Variants in SEC31A observed in about 807,000 individuals in gnomAD.
The protein encoded by SEC31A is protein transport protein Sec31A.
A neutral mutation model predicts 151.0 loss-of-function variants in SEC31A; 70 were observed. The ratio of observed to expected loss-of-function variants is 0.46; its 90% CI spans 0.38 to 0.57. The LOEUF (loss-of-function observed/expected upper bound fraction) is 0.57. Ranked by LOEUF, SEC31A falls within the 20% of genes least tolerant of loss-of-function variation. The probability of loss-of-function intolerance (pLI) is 0.00; values close to 1 mark genes in which losing one functional copy is unlikely to be tolerated. For synonymous variants in SEC31A, 475 were observed against 505.9 expected, an observed-to-expected ratio of 0.94 and a Z score of 0.82; for missense variants, 1,330 against 1,471.2, an observed-to-expected ratio of 0.90 and a Z score of 1.57.
At chr4:82,880,978 C>A in intron 2 of SEC31A, 56 bp from the exon 3 acceptor site, 4 of 1,445,868 alleles carry the variant, frequency 2.8e-6, no homozygotes, top group African/African-American at 2.9e-5. Flanking sequence ...ATCAGAGAAA[C>A]CATACAAAAC....
At chr4:82,879,850 A>G (rs1738878394) in intron 3 of SEC31A, among the ~76,000 whole-genome samples, 1 of 152,248 alleles carries the variant, frequency 6.6e-6, no homozygotes, top group African/African-American at 2.4e-5. Context: ...CTAGTGTATT[A>G]GAAATCGTGT....
chr4:82,823,553 T>G (rs1723871064), intron 25 of SEC31A, among the ~76,000 whole-genome samples: 2 of 152,330 alleles, frequency 1.3e-5, no homozygotes, highest in Non-Finnish European at 2.9e-5. Context: ...AGAAGATGTT[T>G]TTTCATGCAG....
In SEC31A at chr4:82,867,393, T is replaced by C; in HGVS notation, c.883-77A>G. 9 of 1,251,840 alleles carry C rather than the reference T, an allele frequency of 7.2e-6. No individual in the cohort carries two copies. The South Asian group carries it at 1.0e-4, about 15-fold the overall frequency. The allele number at this position is 1,251,840 out of a possible 1,614,324, so 77.5% of individuals were successfully genotyped here. A position where few individuals can be genotyped will look rare whatever the true frequency, so the allele number is the denominator to read the frequency against. The stretch of plus-strand genomic sequence containing the variant: ...TGTAACCAAAACACCTGAATTAATG[T>C]GGTCAACAAGTATAGTTAAATTGAA... On this transcript the variant is annotated intron_variant, in intron 8 of 26. Coordinates refer to ENST00000395310, the MANE Select transcript of SEC31A (RefSeq NM_001077207.4).
intron 1 of SEC31A, among the ~76,000 whole-genome samples, chr4:82,885,842 C>G (rs748083522): frequency 1.3e-5 from 2 of 152,204 alleles, no homozygotes; most frequent in Non-Finnish European, 2.9e-5. Flanking sequence ...AAAATGCATA[C>G]TCAATGCTCT....
intron 21 of SEC31A, 138 bp from the exon 22 acceptor site, chr4:82,842,619 C>T: frequency 1.4e-6 from 1 of 695,276 alleles, no homozygotes; most frequent in Non-Finnish European, 2.3e-6. Flanking sequence ...AAAATTTACA[C>T]CATTATATTT....
At position 82,818,841 on chromosome 4, in the gene SEC31A, A is replaced by G. The variant is rs1040320472; in HGVS notation, c.*233T>C. The G allele has an allele frequency of 2.8e-6, 1 of 358,110 alleles. No individual in the cohort carries two copies. The highest frequency in any genetic ancestry group is 5.0e-6 in the Non-Finnish European group (1 of 201,926). 22.2% of individuals were successfully genotyped at this position (358,110 alleles called of 1,614,324 possible). A position where few individuals can be genotyped will look rare whatever the true frequency, so the allele number is the denominator to read the frequency against. Reference sequence around the variant, plus strand: ...CCATACTATGTGTAATCCAGGAAATACACTATTTGCAGAATAGGAAAATCA... The same window carrying G: ...CCATACTATGTGTAATCCAGGAAATGCACTATTTGCAGAATAGGAAAATCA... On this transcript the variant is annotated 3_prime_UTR_variant, in exon 27 of 27. Transcript: ENST00000395310.
At position 82,819,167 on chromosome 4, in the gene SEC31A, G is replaced by C. The variant is rs1248686091; in HGVS notation, c.3570C>G (p.Thr1190=). 1 of 1,612,398 alleles carries C rather than the reference G, an allele frequency of 6.2e-7. No homozygotes were observed. The highest frequency in any genetic ancestry group is 1.7e-5 in the Admixed American group (1 of 59,800). Residue 1190 remains threonine (T), a synonymous_variant, in exon 27 of 27, where the codon ACC becomes ACG. Transcript: ENST00000395310. ...RNYSEGLTMH[T]HIVSTSNFSE... is the part of the protein sequence containing the mutation. ...TGAAGTTGCTGGTGCTAACTATGTG[G>C]GTATGCATGGTCAATCCTTCTGAGT...
intron 1 of SEC31A, among the ~76,000 whole-genome samples, chr4:82,886,299 T>G (rs1279589901): frequency 6.6e-6 from 1 of 152,242 alleles, no homozygotes; most frequent in Non-Finnish European, 1.5e-5. Flanking sequence ...TCAATTTAAC[T>G]ACTGGCTCTG....
Position 82,819,679 on chromosome 4 carries a change from G to A in SEC31A, c.3484-426C>T, listed in dbSNP as rs186298623. Among the ~76,000 whole-genome samples the A allele has an allele frequency of 3.9e-3, 591 of 151,940 alleles. 4 individuals carry two copies. The highest frequency in any genetic ancestry group is 0.014 in the African/African-American group (560 of 41,376). ...ATTCTTACCTGCTTTTTATAATCCTGTCATCTCTTAAAACTATAAAACCTG... is the reference window on the plus strand; with the variant it reads ...ATTCTTACCTGCTTTTTATAATCCTATCATCTCTTAAAACTATAAAACCTG... On this transcript the variant is annotated intron_variant, in intron 26 of 26. Coordinates refer to ENST00000395310, the MANE Select transcript of SEC31A (RefSeq NM_001077207.4).
chr4:82,839,245 G>C (rs1308576025), intron 22 of SEC31A, among the ~76,000 whole-genome samples: 2 of 152,126 alleles, frequency 1.3e-5, no homozygotes, highest in Admixed American at 1.3e-4. Flanking sequence ...CCGCCTCCTG[G>C]GTTCAAGCGG....
At chr4:82,874,276 C>T (rs560266616) in intron 6 of SEC31A, among the ~76,000 whole-genome samples, 45 of 148,372 alleles carry the variant, frequency 3.0e-4, no homozygotes, top group African/African-American at 7.5e-4. Flanking sequence ...CCAGCCTGGG[C>T]GACAAAGCGA....
Position 82,878,853 on chromosome 4 carries a change from A to C in SEC31A, c.279T>G (p.Gly93=). 1 of 1,613,958 alleles carries C rather than the reference A, an allele frequency of 6.2e-7. No individual in the cohort carries two copies. The highest frequency in any genetic ancestry group is 8.5e-7 in the Non-Finnish European group (1 of 1,179,872). The part of the protein sequence containing the change: ...GDVSGVLIAG[G]ENGNIILYDP... ...CATAGAGAATAATATTTCCATTTTC[A>C]CCACCTGCAATCAGAACTCCAGAGA... is the stretch of plus-strand genomic sequence containing the variant. Residue 93 remains glycine, a synonymous_variant, in exon 4 of 27, where the codon GGT becomes GGG. Transcript: ENST00000395310.
At chr4:82,833,834 T>C (rs1415831037) in intron 22 of SEC31A, among the ~76,000 whole-genome samples, 2 of 152,162 alleles carry the variant, frequency 1.3e-5, no homozygotes, top group African/African-American at 4.8e-5. Context: ...AGTAAAAGAA[T>C]AGAAAAAATA....
Position 82,854,996 on chromosome 4 carries a change from C to CA in SEC31A, c.1914_1915insT (p.Glu639Ter). Reference sequence around the variant, plus strand: ...TTAAGATCACAAGACTCAACAATCTCTTTCCAGTTCTTCATCACCACTGCA... The same window carrying CA: ...TTAAGATCACAAGACTCAACAATCTCATTTCCAGTTCTTCATCACCACTGCA... On this transcript the variant is annotated frameshift_variant, in exon 17 of 27. Transcript: ENST00000395310. LOFTEE classifies it high-confidence loss of function. 1 of 1,613,628 alleles carries CA rather than the reference C, an allele frequency of 6.2e-7. No individual in the cohort carries two copies. Among genetic ancestry groups the CA allele is most frequent in the Non-Finnish European group, 8.5e-7 (1 of 1,179,808 alleles).
intron 6 of SEC31A, among the ~76,000 whole-genome samples, chr4:82,873,342 TGAGAGTCC>T (rs1222442026): frequency 1.3e-5 from 2 of 148,532 alleles, no homozygotes; most frequent in Non-Finnish European, 3.0e-5. Context: ...GGTGACAGAG[TGAGAGTCC>T]CTCTCAAAAA....
chr4:82,849,545 C>T (rs774527148), intron 19 of SEC31A, among the ~76,000 whole-genome samples: 12 of 140,296 alleles, frequency 8.6e-5, no homozygotes, highest in Non-Finnish European at 1.4e-4. Context: ...ACCAGGGAGG[C>T]GGCACTTGCA....
At chr4:82,822,217 C>A (rs1170043615) in intron 25 of SEC31A, among the ~76,000 whole-genome samples, 1 of 151,964 alleles carries the variant, frequency 6.6e-6, no homozygotes, top group Non-Finnish European at 1.5e-5. Context: ...TAGCTCATAT[C>A]CCACTGGGTG....
intron 3 of SEC31A, among the ~76,000 whole-genome samples, chr4:82,880,170 T>C (rs10857213): frequency 0.75 from 111,804 of 148,786 alleles, 41,822 homozygotes; most frequent in Admixed American, 0.8. Flanking sequence ...GCAACAAGAG[T>C]GAAACTCCAT....
At position 82,850,578 on chromosome 4, in the gene SEC31A, G is replaced by A. The variant is rs1731260666; in HGVS notation, c.2328+853C>T. Reference sequence around the variant, plus strand: ...ATAAAGTGATTAATAAAAAAGTACAGAGACAAGACTGTATCTGCAAGGCTC... The same window carrying A: ...ATAAAGTGATTAATAAAAAAGTACAAAGACAAGACTGTATCTGCAAGGCTC... On this transcript the variant is annotated intron_variant, in intron 19 of 26. Coordinates refer to ENST00000395310, the MANE Select transcript of SEC31A (RefSeq NM_001077207.4). Among the ~76,000 whole-genome samples, 3 of 152,204 alleles carry A rather than the reference G, an allele frequency of 2.0e-5. No individual in the cohort carries two copies. The South Asian group carries it at 6.2e-4, about 32-fold the overall frequency.
Sources: gnomAD v4.1 joint callset for allele counts (sites outside exome capture counted in the v4.1 genomes callset) on GRCh38, gnomAD v4.1.1 for gene constraint, MANE v1.5 for transcripts, NCBI Gene and HGNC (gene_info 2026-07-23, HGNC 2026-07-21) for gene names.